Variants in CSMD1 observed in about 807,000 individuals in gnomAD.
CSMD1 encodes the protein CUB and Sushi multiple domains 1.
In CSMD1, 213 loss-of-function variants were observed where a neutral mutation model predicts 417.5. The ratio of observed to expected loss-of-function variants is 0.51; its 90% CI spans 0.46 to 0.57. CSMD1 has a LOEUF of 0.57. Among genes scored for constraint, CSMD1 ranks in the 20% least tolerant of loss-of-function variants. CSMD1 has a pLI of 0.00. For missense variants in CSMD1, 6,923 were observed against 4,529.7 expected (o/e 1.53, Z -15.17); for synonymous variants, 2,862 against 1,736.8 (o/e 1.65, Z -16.11).
chr8:4,094,857 G>C (rs1461919113), intron 3 of CSMD1, among the ~76,000 whole-genome samples: 1 of 152,190 alleles, frequency 6.6e-6, no homozygotes, highest in African/African-American at 2.4e-5. Context: ...AGTTGGTGAT[G>C]TGTTTGGGGC....
intron 4 of CSMD1, among the ~76,000 whole-genome samples, chr8:4,004,420 CTTTT>C (rs5889009): frequency 1.4e-4 from 19 of 139,444 alleles, no homozygotes; most frequent in East Asian, 4.1e-4. Context: ...TGCCATGAAT[CTTTT>C]TTTTTTTTTT....
At chr8:3,759,441 G>A (rs1797865795) in intron 5 of CSMD1, among the ~76,000 whole-genome samples, 1 of 152,132 alleles carries the variant, frequency 6.6e-6, no homozygotes, top group South Asian at 2.1e-4. Context: ...TTGGAGTGAG[G>A]TTTCCTGGAA....
intron 26 of CSMD1, among the ~76,000 whole-genome samples, chr8:3,249,376 C>T (rs568311021): frequency 2.6e-5 from 4 of 152,212 alleles, no homozygotes; most frequent in African/African-American, 9.6e-5. Context: ...GCGCCCACCA[C>T]CACGCTCGGC....
intron 11 of CSMD1, among the ~76,000 whole-genome samples, chr8:3,489,735 A>T (rs1818264156): frequency 1.3e-5 from 2 of 152,284 alleles, no homozygotes; most frequent in South Asian, 2.1e-4. Flanking sequence ...CAGAAATAAG[A>T]ATTTTTAAAA....
chr8:3,304,995 T>TG (rs1297375402), intron 25 of CSMD1, among the ~76,000 whole-genome samples: 10 of 152,194 alleles, frequency 6.6e-5, no homozygotes, highest in African/African-American at 2.4e-4. Flanking sequence ...GTTTTTACAT[T>TG]ACTCAAATCT....
chr8:3,659,708 A>G (rs1798313825), intron 7 of CSMD1, among the ~76,000 whole-genome samples: 1 of 152,104 alleles, frequency 6.6e-6, no homozygotes, highest in South Asian at 2.1e-4. Context: ...ACAAGCTCAA[A>G]TCAGTTCTAC....
At chr8:3,588,963 C>G (rs543007530) in intron 8 of CSMD1, among the ~76,000 whole-genome samples, 46 of 152,122 alleles carry the variant, frequency 3.0e-4, no homozygotes, top group African/African-American at 9.9e-4. Context: ...AAACGACCAA[C>G]AGGTATATGG....
At chr8:3,334,601 C>T (rs559621366) in intron 23 of CSMD1, among the ~76,000 whole-genome samples, 1 of 152,196 alleles carries the variant, frequency 6.6e-6, no homozygotes, top group Non-Finnish European at 1.5e-5. Flanking sequence ...CCACAGGCTA[C>T]GTTGTAATGT....
At position 3,979,446 on chromosome 8, in the gene CSMD1, A is replaced by T. The variant is rs187182710; in HGVS notation, c.818+18457T>A. Among the ~76,000 whole-genome samples the T allele has an allele frequency of 2.4e-3, 367 of 152,314 alleles. 2 individuals are homozygous for T. Among genetic ancestry groups the T allele is most frequent in the African/African-American group, 8.6e-3 (356 of 41,568 alleles). On this transcript the variant is annotated intron_variant, in intron 5 of 69. Transcript: ENST00000635120. ...CAGGAGAAGGCGTTGATAAATGTGCATGCAACTCACAGGATACAGTGTGTC... is the reference window on the plus strand; with the variant it reads ...CAGGAGAAGGCGTTGATAAATGTGCTTGCAACTCACAGGATACAGTGTGTC...
At chr8:4,608,225 G>C (rs1800986256) in intron 2 of CSMD1, among the ~76,000 whole-genome samples, 1 of 152,182 alleles carries the variant, frequency 6.6e-6, no homozygotes, top group Non-Finnish European at 1.5e-5. Context: ...ATCCATGGAA[G>C]CATTTTGAGC....
intron 1 of CSMD1, among the ~76,000 whole-genome samples, chr8:4,807,962 T>G (rs1425299950): frequency 6.6e-6 from 1 of 152,206 alleles, no homozygotes; most frequent in African/African-American, 2.4e-5. Flanking sequence ...CAGTAGGAGT[T>G]CACTTGGAAA....
At chr8:3,358,783 C>T (rs531441122) in intron 21 of CSMD1, among the ~76,000 whole-genome samples, 2 of 152,210 alleles carry the variant, frequency 1.3e-5, no homozygotes, top group South Asian at 4.1e-4. Context: ...TTAATCAATG[C>T]AATTGTCAGA....
chr8:4,601,245 C>T lies in CSMD1; in HGVS notation c.302+36097G>A, dbSNP rs977501797. The stretch of plus-strand genomic sequence containing the variant: ...TGCCGGGATTACAGGCGTGAGCCAC[C>T]GCACCTGGCCAGATTTTTTTTAAAA... On this transcript the variant is annotated intron_variant, in intron 2 of 69. Coordinates refer to ENST00000635120, the MANE Select transcript of CSMD1 (RefSeq NM_033225.6). 5.3e-5 allele frequency among the ~76,000 whole-genome samples: 8 copies of T among 152,112 alleles called. No homozygotes were observed. In the South Asian group the frequency reaches 6.2e-4, roughly 12 times the overall value.
At chr8:3,879,456 GT>G (rs1045885488) in intron 5 of CSMD1, among the ~76,000 whole-genome samples, 18 of 152,102 alleles carry the variant, frequency 1.2e-4, no homozygotes, top group Admixed American at 1.0e-3. Flanking sequence ...AATGTCCCAG[GT>G]TTTTGCTTCT....
In CSMD1 at chr8:3,733,124, G is replaced by C. The variant is rs900860959; in HGVS notation, c.931+20806C>G. ...CAGAGGCTAAAGTGGAAAAGATAAA[G>C]TGAAAGAAGTTAGGAATTAGACTCA... On this transcript the variant is annotated intron_variant, in intron 6 of 69. Transcript: ENST00000635120. Among the ~76,000 whole-genome samples, 4 of 150,480 alleles carry C rather than the reference G, an allele frequency of 2.7e-5. No individual in the cohort carries two copies. In the South Asian group the frequency reaches 6.3e-4, roughly 24 times the overall value.
Position 3,976,087 on chromosome 8 carries a change from C to T in CSMD1, c.818+21816G>A, listed in dbSNP as rs1201958230. Among the ~76,000 whole-genome samples the T allele has an allele frequency of 3.3e-4, 50 of 151,484 alleles. 1 individual carries two copies. Among genetic ancestry groups the T allele is most frequent in the Non-Finnish European group, 1.0e-4 (7 of 67,914 alleles). ...ATGTTAAATTTTTTTGGGGGGGTCA[C>T]GAACTTGTAAGAATCTAATAGAGAA... On this transcript the variant is annotated intron_variant, in intron 5 of 69. Coordinates refer to ENST00000635120, the MANE Select transcript of CSMD1 (RefSeq NM_033225.6).
chr8:3,181,248 T>C, intron 36 of CSMD1, 34 bp from the exon 37 acceptor site: 1 of 1,333,310 alleles, frequency 7.5e-7, no homozygotes, highest in Non-Finnish European at 1.1e-6. Context: ...ATTGTAACAC[T>C]ACAAATACAT....
rs932106200 is a variant in CSMD1, at chr8:2,937,830, T to C, written c.*755A>G. 5 of 152,696 alleles carry C rather than the reference T, an allele frequency of 3.3e-5. No individual in the cohort carries two copies. Among genetic ancestry groups the C allele is most frequent in the African/African-American group, 1.2e-4 (5 of 41,474 alleles). 9.5% of individuals were successfully genotyped at this position (152,696 alleles called of 1,614,324 possible). A position where few individuals can be genotyped will look rare whatever the true frequency, so the allele number is the denominator to read the frequency against. On this transcript the variant is annotated 3_prime_UTR_variant, in exon 70 of 70. Transcript: ENST00000635120. ...GCTGATGGGGGAATGTTTAGCTTGA[T>C]AATATGAAATAATGCTTATATACAA...
intron 1 of CSMD1, among the ~76,000 whole-genome samples, chr8:4,838,878 T>C (rs1457940810): frequency 1.3e-5 from 2 of 152,236 alleles, no homozygotes; most frequent in Admixed American, 1.3e-4. Context: ...AGCAATCTTT[T>C]GTTCTACTGC....
Sources: allele counts gnomAD v4.1 joint callset (sites outside exome capture counted in the v4.1 genomes callset), GRCh38; gene constraint gnomAD v4.1.1; transcripts MANE v1.5; gene names NCBI Gene and HGNC (gene_info 2026-07-23, HGNC 2026-07-21).